SLC35F5: variants seen among roughly 807,000 people sequenced by gnomAD.
The protein encoded by SLC35F5 is solute carrier family 35 member F5.
SLC35F5 carries 54 observed loss-of-function variants against 68.6 expected under a neutral mutation model. The observed-to-expected ratio is 0.79, with a 90% CI of 0.63 to 0.99. The LOEUF is 0.99. Ranked by LOEUF, SLC35F5 falls within the 50% of genes least tolerant of loss-of-function variation. SLC35F5 has a pLI of 0.00. For missense variants in SLC35F5, 567 were observed against 626.9 expected (o/e 0.90, Z 1.02); for synonymous variants, 211 against 205.2 (o/e 1.03, Z -0.24).
At chr2:113,723,369 C>A (rs1371840152) in intron 12 of SLC35F5, among the ~76,000 whole-genome samples, 175 bp from the exon 13 acceptor site, 1 of 151,738 alleles carries the variant, frequency 6.6e-6, no homozygotes, top group African/African-American at 2.4e-5. Flanking sequence ...CTCAGTTTTT[C>A]TTCAAATATT....
chr2:113,739,419 A>G (rs1688208453), intron 7 of SLC35F5, among the ~76,000 whole-genome samples: 1 of 152,144 alleles, frequency 6.6e-6, no homozygotes, highest in Admixed American at 6.5e-5. Flanking sequence ...AGGAGGGAGA[A>G]CTCAAGGATT....
intron 7 of SLC35F5, among the ~76,000 whole-genome samples, chr2:113,740,212 G>A (rs1177588568): frequency 6.6e-6 from 1 of 152,184 alleles, no homozygotes. Flanking sequence ...TGGAGTGGGA[G>A]CTGGCTGTGG....
intron 14 of SLC35F5, among the ~76,000 whole-genome samples, chr2:113,718,461 C>A (rs1348375881): frequency 1.3e-5 from 2 of 152,136 alleles, no homozygotes; most frequent in Non-Finnish European, 2.9e-5. Flanking sequence ...GAATTATGTT[C>A]AAACCAATAA....
rs752784488 is a variant in SLC35F5, at chr2:113,709,974, TTTG to T, written c.*5241_*5243del. Among the ~76,000 whole-genome samples the T allele has an allele frequency of 2.6e-5, 4 of 151,878 alleles. No homozygotes were observed. The highest frequency in any genetic ancestry group is 5.9e-5 in the Non-Finnish European group (4 of 67,962). ...CTACAGGTATGCACTACCATGCCTG[TTTG>T]TTTTTTGTTTTTGTTTTTGTAGAGA... On this transcript the variant is annotated 3_prime_UTR_variant, in exon 16 of 16. Transcript: ENST00000245680.
intron 15 of SLC35F5, among the ~76,000 whole-genome samples, chr2:113,715,974 G>C (rs1687163493): frequency 6.6e-6 from 1 of 152,102 alleles, no homozygotes; most frequent in Admixed American, 6.5e-5. Flanking sequence ...CAGAAATAAG[G>C]TCTCACTATG....
At position 113,712,439 on chromosome 2, in the gene SLC35F5, C is replaced by T. The variant is rs1214401001; in HGVS notation, c.*2779G>A. On this transcript the variant is annotated 3_prime_UTR_variant, in exon 16 of 16. Transcript: ENST00000245680. ...TCACGCCATTCTGCTGCCTCAGCCT[C>T]CCGAGCAGCTGGGACTACAGGCGCC... is the stretch of plus-strand genomic sequence containing the variant. Among the ~76,000 whole-genome samples, 1 of 152,172 alleles carries T rather than the reference C, an allele frequency of 6.6e-6. No homozygotes were observed. Among genetic ancestry groups the T allele is most frequent in the African/African-American group, 2.4e-5 (1 of 41,444 alleles).
At chr2:113,732,817 T>C (rs1333670936) in intron 9 of SLC35F5, among the ~76,000 whole-genome samples, 1 of 152,134 alleles carries the variant, frequency 6.6e-6, no homozygotes, top group Non-Finnish European at 1.5e-5. Context: ...CCTATTATTA[T>C]CCCCAATATA....
At position 113,750,681 on chromosome 2, in the gene SLC35F5, GAA is replaced by G. The variant is rs1676700381; in HGVS notation, c.274-115_274-114del. The G allele has an allele frequency of 1.0e-5, 10 of 962,140 alleles. 1 individual carries two copies. The East Asian group carries it at 2.9e-4, about 27-fold the overall frequency. The allele number at this position is 962,140 out of a possible 1,614,324, so 59.6% of individuals were successfully genotyped here. On this transcript the variant is annotated intron_variant, in intron 3 of 15. Transcript: ENST00000245680. Reference sequence around the variant, plus strand: ...AACTCTTCAGAAGTTCACTTGGAAAGAAAAAGTCAAAGCGATTACAAAAGTAT... The same window carrying G: ...AACTCTTCAGAAGTTCACTTGGAAAGAAAGTCAAAGCGATTACAAAAGTAT...
At position 113,714,547 on chromosome 2, in the gene SLC35F5, T is replaced by A. The variant is rs1687107076; in HGVS notation, c.*671A>T. On this transcript the variant is annotated 3_prime_UTR_variant, in exon 16 of 16. Transcript: ENST00000245680. The stretch of plus-strand genomic sequence containing the variant: ...TCATTTTATAATAATACTTCCCCTT[T>A]AAAAATTTGCCATGGTTTGTCACAG... The A allele has an allele frequency of 6.6e-6, 1 of 152,140 alleles. No homozygotes were observed. The highest frequency in any genetic ancestry group is 1.5e-5 in the Non-Finnish European group (1 of 67,956). The allele number at this position is 152,140 out of a possible 1,614,324, so 9.4% of individuals were successfully genotyped here.
intron 7 of SLC35F5, among the ~76,000 whole-genome samples, chr2:113,740,908 A>T (rs918649037): frequency 4.6e-5 from 7 of 152,202 alleles, no homozygotes; most frequent in African/African-American, 1.7e-4. Flanking sequence ...TACGGGCGTG[A>T]GCCACCCAGC....
chr2:113,722,698 G>A (rs1687493720), intron 13 of SLC35F5, among the ~76,000 whole-genome samples: 1 of 152,174 alleles, frequency 6.6e-6, no homozygotes, highest in Non-Finnish European at 1.5e-5. Context: ...AGTCCAGAGA[G>A]AGATGGCTAA....
chr2:113,740,461 G>A (rs1676217001), intron 7 of SLC35F5, among the ~76,000 whole-genome samples: 1 of 152,122 alleles, frequency 6.6e-6, no homozygotes, highest in African/African-American at 2.4e-5. Flanking sequence ...AGTCTTTATA[G>A]CAGATTTAAA....
chr2:113,740,856 A>C (rs1676244906), intron 7 of SLC35F5, among the ~76,000 whole-genome samples: 1 of 151,908 alleles, frequency 6.6e-6, no homozygotes, highest in Non-Finnish European at 1.5e-5. Flanking sequence ...CAATCTCTTC[A>C]CCTCGTGATC....
At chr2:113,723,394 A>G (rs1451854707) in intron 12 of SLC35F5, among the ~76,000 whole-genome samples, 200 bp from the exon 13 acceptor site, 4 of 152,156 alleles carry the variant, frequency 2.6e-5, no homozygotes, top group Admixed American at 6.5e-5. Flanking sequence ...ATACAAATAT[A>G]TAAGTATAAA....
intron 12 of SLC35F5, among the ~76,000 whole-genome samples, chr2:113,723,782 A>C (rs1687549868): frequency 6.6e-6 from 1 of 152,232 alleles, no homozygotes; most frequent in South Asian, 2.1e-4. Flanking sequence ...AAAGCTAAGT[A>C]AGCTCTTTAT....
intron 11 of SLC35F5, among the ~76,000 whole-genome samples, chr2:113,728,568 C>G (rs1368018097): frequency 6.6e-6 from 1 of 152,194 alleles, no homozygotes; most frequent in African/African-American, 2.4e-5. Flanking sequence ...TTCCTTCCAA[C>G]CATCCCAGAA....
Position 113,713,391 on chromosome 2 carries a change from G to A in SLC35F5, c.*1827C>T, listed in dbSNP as rs1161294168. The A allele has an allele frequency of 2.0e-5, 3 of 151,744 alleles. No individual in the cohort carries two copies. The highest frequency in any genetic ancestry group is 4.4e-5 in the Non-Finnish European group (3 of 67,912). 9.4% of individuals were successfully genotyped at this position (151,744 alleles called of 1,614,324 possible). A position where few individuals can be genotyped will look rare whatever the true frequency, so the allele number is the denominator to read the frequency against. On this transcript the variant is annotated 3_prime_UTR_variant, in exon 16 of 16. Transcript: ENST00000245680. ...GAACAACCAAAAGATTCTAAGCTCA[G>A]CCTCTTTCCCTATAGTATTTACAGA...
chr2:113,755,602 T>G (rs1471091385), intron 1 of SLC35F5, 58 bp from the exon 2 acceptor site: 4 of 1,472,220 alleles, frequency 2.7e-6, no homozygotes, highest in Non-Finnish European at 3.8e-6. Context: ...GTAAGATTCA[T>G]CACATCGTTT....
At chr2:113,752,532 T>C (rs1211768254) in intron 3 of SLC35F5, among the ~76,000 whole-genome samples, 1 of 152,122 alleles carries the variant, frequency 6.6e-6, no homozygotes, top group African/African-American at 2.4e-5. Context: ...ACTTTACACC[T>C]AACTACCACT....
Sources: gnomAD v4.1 joint callset for allele counts (sites outside exome capture counted in the v4.1 genomes callset) on GRCh38, gnomAD v4.1.1 for gene constraint, MANE v1.5 for transcripts, NCBI Gene and HGNC (gene_info 2026-07-23, HGNC 2026-07-21) for gene names.